GSE1: variants seen among roughly 807,000 people sequenced by gnomAD.
GSE1 encodes Gse1 coiled-coil protein.
In GSE1, 32 loss-of-function variants were observed where a neutral mutation model predicts 112.6. The ratio of observed to expected loss-of-function variants is 0.28; its 90% CI spans 0.21 to 0.38. The LOEUF (loss-of-function observed/expected upper bound fraction) is 0.38, where lower values mean the gene tolerates loss of function less well. Among genes scored for constraint, GSE1 ranks in the 10% least tolerant of loss-of-function variants. The pLI, the probability that GSE1 is intolerant of heterozygous loss-of-function variation, is 1.00. For missense variants in GSE1, 2,348 were observed against 1,699.2 expected, an observed-to-expected ratio of 1.38 and a Z score of -6.71; for synonymous variants, 1,115 against 735.6, an observed-to-expected ratio of 1.52 and a Z score of -8.35.
chr16:85,666,795 T>G (rs1476998291), intron 13 of GSE1, among the ~76,000 whole-genome samples: 1 of 152,252 alleles, frequency 6.6e-6, no homozygotes, highest in African/African-American at 2.4e-5. Context: ...CATGGTGGTA[T>G]CTAAAGATGT....
intron 1 of GSE1, among the ~76,000 whole-genome samples, chr16:85,567,190 G>A (rs1457712050): frequency 6.6e-6 from 1 of 152,074 alleles, no homozygotes; most frequent in Non-Finnish European, 1.5e-5. Context: ...CAGACCAACC[G>A]TTGCGGGGGA....
chr16:85,195,663 A>G (rs1350157731), intron 1 of GSE1, among the ~76,000 whole-genome samples: 1 of 152,198 alleles, frequency 6.6e-6, no homozygotes, highest in East Asian at 1.9e-4. Context: ...ACCATTGAGG[A>G]TGACCACTGC....
At chr16:85,462,614 C>A (rs887472207) in intron 2 of GSE1, among the ~76,000 whole-genome samples, 4 of 147,570 alleles carry the variant, frequency 2.7e-5, no homozygotes, top group African/African-American at 1.0e-4. Flanking sequence ...GACAACTCAG[C>A]AGTCTTGACA....
intron 1 of GSE1, among the ~76,000 whole-genome samples, chr16:85,242,310 G>A (rs1292622283): frequency 6.6e-6 from 1 of 152,120 alleles, no homozygotes; most frequent in East Asian, 1.9e-4. Flanking sequence ...AGCAGCCCTC[G>A]GGGTCTGTCC....
chr16:85,210,381 A>C (rs991906944), intron 1 of GSE1, among the ~76,000 whole-genome samples: 1 of 152,222 alleles, frequency 6.6e-6, no homozygotes, highest in African/African-American at 2.4e-5. Flanking sequence ...AGGCGGGCAG[A>C]TTGCTTGAGC....
At chr16:85,618,076 G>A (rs2048492743) in intron 1 of GSE1, among the ~76,000 whole-genome samples, 1 of 152,138 alleles carries the variant, frequency 6.6e-6, no homozygotes, top group African/African-American at 2.4e-5. Flanking sequence ...CACTGGCATG[G>A]GTGGATTCGT....
intron 2 of GSE1, among the ~76,000 whole-genome samples, chr16:85,469,426 G>A (rs916108358): frequency 6.6e-6 from 1 of 152,230 alleles, no homozygotes; most frequent in African/African-American, 2.4e-5. Flanking sequence ...GGGGCAGGAA[G>A]GACCCTCCTG....
intron 1 of GSE1, among the ~76,000 whole-genome samples, 176 bp downstream of exon 1, chr16:85,613,574 C>A (rs1158346839): frequency 1.3e-5 from 2 of 151,546 alleles, no homozygotes; most frequent in African/African-American, 4.8e-5. Flanking sequence ...AGGCCACCCC[C>A]TTCCTCCGCC....
chr16:85,171,545 C>G (rs1440475984), exon 1 of GSE1: 3 of 985,530 alleles, frequency 3.0e-6, no homozygotes, highest in East Asian at 1.1e-4. Context: ...AGCGCCTGGT[C>G]CCGGCAGTAC....
At chr16:85,430,536 C>G (rs550389084) in intron 2 of GSE1, among the ~76,000 whole-genome samples, 1 of 152,188 alleles carries the variant, frequency 6.6e-6, no homozygotes, top group Admixed American at 6.5e-5. Context: ...CCCTGCACCT[C>G]GAAGGCCAGG....
At chr16:85,384,954 A>C (rs1244843782) in intron 2 of GSE1, among the ~76,000 whole-genome samples, 1 of 152,252 alleles carries the variant, frequency 6.6e-6, no homozygotes, top group African/African-American at 2.4e-5. Flanking sequence ...CAGACCCAGC[A>C]GGTTAGCGTG....
At chr16:85,619,782 A>G (rs1448161626) in intron 1 of GSE1, among the ~76,000 whole-genome samples, 2 of 152,146 alleles carry the variant, frequency 1.3e-5, no homozygotes, top group African/African-American at 2.4e-5. Context: ...GGAGGGACTG[A>G]CTTGCTAGGC....
chr16:85,318,154 C>A (rs1169783263), intron 1 of GSE1, among the ~76,000 whole-genome samples: 2 of 152,210 alleles, frequency 1.3e-5, no homozygotes, highest in Non-Finnish European at 2.9e-5. Context: ...TGCCCACCGC[C>A]AGGCCCCTTA....
At chr16:85,668,030 C>T (rs888515541) in intron 13 of GSE1, 110 bp from the exon 14 acceptor site, 3 of 799,046 alleles carry the variant, frequency 3.8e-6, no homozygotes, top group East Asian at 2.5e-5. Context: ...GTCCCCGGAG[C>T]CCTGCAGTCA....
rs1471510317 is a variant in GSE1 at position 85,299,687 on chromosome 16, G to A, written c.2284-57776G>A. 2.0e-5 allele frequency among the ~76,000 whole-genome samples: 3 copies of A among 152,182 alleles called. No individual in the cohort carries two copies. The East Asian group carries it at 5.8e-4, about 29-fold the overall frequency. On this transcript the variant is annotated intron_variant, in intron 1 of 2. Coordinates refer to the GSE1 transcript ENST00000637419. ...TCACACCTATAATCCCAGCACTTTG[G>A]AAGGTCAAGGCAGCAAGATTGCTTG...
rs1209853671 is a variant in GSE1, at chr16:85,213,267, CAAAAAA to C, written c.2283+41471_2283+41476del. Among the ~76,000 whole-genome samples, 17 of 80,176 alleles carry C rather than the reference CAAAAAA, an allele frequency of 2.1e-4. 1 individual carries two copies. In the East Asian group the frequency reaches 2.8e-3, roughly 13 times the overall value. The allele number at this position is 80,176 out of a possible 152,430, so 52.6% of individuals were successfully genotyped here. ...CTGGCAACAGAGCAAGACTCTGTTT[CAAAAAA>C]AAAAAAAAAAGAAAAAGAAAAAGTT... On this transcript the variant is annotated intron_variant, in intron 1 of 2. Coordinates refer to the GSE1 transcript ENST00000637419.
At chr16:85,511,307 A>T (rs2051737410) in intron 2 of GSE1, among the ~76,000 whole-genome samples, 2 of 152,190 alleles carry the variant, frequency 1.3e-5, no homozygotes, top group African/African-American at 4.8e-5. Flanking sequence ...CGGGTGGATC[A>T]CCTGAGATCA....
intron 1 of GSE1, among the ~76,000 whole-genome samples, chr16:85,288,468 T>A (rs1250375091): frequency 2.0e-5 from 3 of 152,008 alleles, no homozygotes; most frequent in Non-Finnish European, 4.4e-5. Flanking sequence ...CCTCTTAGCC[T>A]GGGCTGACCC....
intron 1 of GSE1, among the ~76,000 whole-genome samples, chr16:85,231,372 AGATGGATGGATGAT>A (rs1285009521): frequency 5.3e-5 from 8 of 149,576 alleles, no homozygotes; most frequent in Non-Finnish European, 1.2e-4. Flanking sequence ...ACAGAAGGAT[AGATGGATGGATGAT>A]GATGGATGGA....
Sources: allele counts gnomAD v4.1 joint callset (sites outside exome capture counted in the v4.1 genomes callset), GRCh38; gene constraint gnomAD v4.1.1; transcripts MANE v1.5; gene names NCBI Gene and HGNC (gene_info 2026-07-23, HGNC 2026-07-21).